The following TRRAP variants were observed in gnomAD, a reference collection of about 807,000 sequenced individuals.
TRRAP encodes transformation/transcription domain associated protein, also known as transformation/transcription domain-associated protein.
A neutral mutation model predicts 438.8 loss-of-function variants in TRRAP; 41 were observed. That is an observed-to-expected ratio of 0.09 (90% CI 0.07 to 0.12). The LOEUF (loss-of-function observed/expected upper bound fraction) is 0.12. Among genes scored for constraint, TRRAP ranks in the 10% least tolerant of loss-of-function variants. TRRAP has a pLI of 1.00. For missense variants in TRRAP, 3,122 were observed against 5,055.1 expected (o/e 0.62, Z 11.60); for synonymous variants, 1,994 against 1,962.9 (o/e 1.02, Z -0.42).
intron 1 of TRRAP, 93 bp from the exon 2 acceptor site, chr7:98,880,997 G>C (rs959253882): frequency 2.1e-6 from 1 of 471,844 alleles, no homozygotes; most frequent in Admixed American, 4.1e-5. Context: ...AGATGAAAGC[G>C]TATCGATTAT....
rs949951586 is a variant in TRRAP at position 98,930,548 on chromosome 7, G to A, written c.3394-85G>A. The A allele has an allele frequency of 1.9e-5, 30 of 1,547,928 alleles. No individual in the cohort carries two copies. In the Middle Eastern group the frequency reaches 9.4e-4, roughly 48 times the overall value. On this transcript the variant is annotated intron_variant, in intron 24 of 72. Transcript: ENST00000456197. ...AGCCGAGATCACACCATTGCACTCC[G>A]GCCTGGGCAATAAGAGCGAAACTCT...
At chr7:98,920,470 C>CA (rs782559840) in intron 20 of TRRAP, among the ~76,000 whole-genome samples, 215 of 93,502 alleles carry the variant, frequency 2.3e-3, no homozygotes, top group South Asian at 5.3e-3. Context: ...ACTCCGTCTC[C>CA]AAAAAAAAAA....
At chr7:98,979,488 G>A (rs1792816343) in intron 58 of TRRAP, among the ~76,000 whole-genome samples, 1 of 152,212 alleles carries the variant, frequency 6.6e-6, no homozygotes, top group South Asian at 2.1e-4. Flanking sequence ...TAGTACAGAT[G>A]CAGTTTTTTT....
chr7:98,985,479 T>G (rs1793109297), intron 62 of TRRAP, among the ~76,000 whole-genome samples: 1 of 152,258 alleles, frequency 6.6e-6, no homozygotes, highest in African/African-American at 2.4e-5. Flanking sequence ...ATGTTGCCTG[T>G]GACTGCTTTC....
chr7:98,901,123 A>C (rs944362087), intron 11 of TRRAP, among the ~76,000 whole-genome samples: 12 of 152,374 alleles, frequency 7.9e-5, no homozygotes, highest in African/African-American at 2.9e-4. Flanking sequence ...TTAACAAAAA[A>C]TCCCATAGGC....
chr7:98,992,586 T>TGC (rs1793478430), intron 65 of TRRAP, among the ~76,000 whole-genome samples: 1 of 151,404 alleles, frequency 6.6e-6, no homozygotes, highest in Non-Finnish European at 1.5e-5. Flanking sequence ...TGTGTGTGTG[T>TGC]GTTTAAGTTA....
chr7:98,942,534 G>GTT (rs1222861060), intron 30 of TRRAP, among the ~76,000 whole-genome samples: 1 of 152,184 alleles, frequency 6.6e-6, no homozygotes, highest in African/African-American at 2.4e-5. Context: ...GCACCTTTAT[G>GTT]TTTACCTTTT....
chr7:98,982,067 CCTT>C (rs1213358716), intron 59 of TRRAP, 107 bp downstream of exon 59: 12 of 1,152,034 alleles, frequency 1.0e-5, no homozygotes, highest in Middle Eastern at 3.0e-4. Context: ...AGATGAAACT[CCTT>C]CTGCTTGTCT....
intron 6 of TRRAP, among the ~76,000 whole-genome samples, chr7:98,895,441 A>G (rs1796154639): frequency 6.6e-6 from 1 of 152,254 alleles, no homozygotes; most frequent in East Asian, 1.9e-4. Flanking sequence ...ACGGCCCCAC[A>G]GTATATGAGA....
intron 27 of TRRAP, among the ~76,000 whole-genome samples, chr7:98,934,766 C>T (rs1048713470): frequency 2.0e-5 from 3 of 152,158 alleles, no homozygotes; most frequent in Non-Finnish European, 4.4e-5. Flanking sequence ...TCCATACCTG[C>T]ACGCATATAT....
chr7:99,005,028 A>G lies in TRRAP; in HGVS notation c.10536-103A>G, dbSNP rs1794097844. ...TTGATAAACGACCGCTGGCCTACAC[A>G]GTCCGTTTTCCCGTGACAGTTCGGA... On this transcript the variant is annotated intron_variant, in intron 68 of 72. Coordinates refer to ENST00000456197, the MANE Select transcript of TRRAP (RefSeq NM_001375524.1). The surrounding 1 kb of genome is among the most constrained non-coding windows in gnomAD (Gnocchi z 5.1). The G allele has an allele frequency of 1.7e-6, 2 of 1,159,468 alleles. No homozygotes were observed. Among genetic ancestry groups the G allele is most frequent in the Non-Finnish European group, 2.5e-6 (2 of 788,274 alleles). The allele number at this position is 1,159,468 out of a possible 1,614,324, so 71.8% of individuals were successfully genotyped here. A position where few individuals can be genotyped will look rare whatever the true frequency, so the allele number is the denominator to read the frequency against.
In TRRAP at chr7:98,908,822, A is replaced by G. The variant is rs1554407977; in HGVS notation, c.1210A>G (p.Lys404Glu). Residue 404 changes from lysine to glutamate, a missense_variant, in exon 14 of 73, where the codon AAG (lysine) becomes GAG (glutamate). Around this residue, in one of 24 missense-constraint regions of TRRAP, gnomAD observed 343 missense variants for 564.0 expected, o/e 0.61. Coordinates refer to ENST00000456197, the MANE Select transcript of TRRAP (RefSeq NM_001375524.1). This position sits in a 1 kb window ranked among gnomAD's most constrained non-coding sequence, Gnocchi z 4.1. ...CTCCCTCGCCGTCCAGCTCTTCGCC[A>G]AGAACATCGACGATGAGTCCCTGCC... ...DLSLAVQLFAKNIDDESLPSS... is the reference protein window; with the variant it reads ...DLSLAVQLFAENIDDESLPSS... The G allele has an allele frequency of 6.2e-7, 1 of 1,612,092 alleles. No homozygotes were observed. Among genetic ancestry groups the G allele is most frequent in the Admixed American group, 1.7e-5 (1 of 59,748 alleles).
chr7:98,943,129 T>A (rs1554416064), intron 31 of TRRAP, 112 bp downstream of exon 31: 30 of 1,037,120 alleles, frequency 2.9e-5, no homozygotes, highest in Non-Finnish European at 2.9e-6. Flanking sequence ...TTTGACGTGA[T>A]TGTAGTCCTT....
chr7:98,981,638 T>C (rs1792924583), intron 58 of TRRAP, 131 bp from the exon 59 acceptor site: 1 of 879,320 alleles, frequency 1.1e-6, no homozygotes, highest in Non-Finnish European at 1.7e-6. Flanking sequence ...AAAATACATT[T>C]CTATAGCCTA....
At chr7:98,962,835 G>T (rs1028109524) in intron 47 of TRRAP, among the ~76,000 whole-genome samples, 5 of 152,202 alleles carry the variant, frequency 3.3e-5, no homozygotes, top group Non-Finnish European at 7.3e-5. Flanking sequence ...GCTCTGGCTG[G>T]CCCAGGTGAG....
chr7:98,976,250 C>G lies in TRRAP; in HGVS notation c.7941C>G (p.Leu2647=). The change falls in exon 54 of 73, where the codon CTC becomes CTG. Residue 2647 remains leucine, a synonymous_variant. Coordinates refer to ENST00000456197, the MANE Select transcript of TRRAP (RefSeq NM_001375524.1). This position sits in a 1 kb window ranked among gnomAD's most constrained non-coding sequence, Gnocchi z 4.6. ...TTTTCCCCAGATTGTGGAAGATCCT[C>G]TCTGACAGACAGCAGCATGTGAGTG... The part of the protein sequence containing the change: ...VQLFPRLWKI[L]SDRQQHALAG... The G allele has an allele frequency of 6.2e-7, 1 of 1,614,220 alleles. No homozygotes were observed. Among genetic ancestry groups the G allele is most frequent in the Non-Finnish European group, 8.5e-7 (1 of 1,180,046 alleles).
Position 98,935,240 on chromosome 7 carries a change from C to T in TRRAP, c.4015-339C>T, listed in dbSNP as rs143716722. Among the ~76,000 whole-genome samples the T allele has an allele frequency of 1.6e-3, 236 of 152,086 alleles. 1 individual carries two copies. Among genetic ancestry groups the T allele is most frequent in the African/African-American group, 5.4e-3 (224 of 41,484 alleles). On this transcript the variant is annotated intron_variant, in intron 27 of 72. Transcript: ENST00000456197. The stretch of plus-strand genomic sequence containing the variant: ...GAGGCTGATCTGAACCAGGAAGACA[C>T]GGCCCTGCCATCATGGGATTTGCAG...
intron 23 of TRRAP, among the ~76,000 whole-genome samples, chr7:98,928,456 C>T (rs1554412043): frequency 6.6e-6 from 1 of 152,178 alleles, no homozygotes; most frequent in African/African-American, 2.4e-5. Context: ...TTTTCTTGGC[C>T]TGACGGGTCA....
intron 11 of TRRAP, among the ~76,000 whole-genome samples, 176 bp downstream of exon 11, chr7:98,900,896 A>G (rs1554406567): frequency 1.3e-5 from 2 of 152,190 alleles, no homozygotes; most frequent in Non-Finnish European, 2.9e-5. Context: ...ATTTGTTGTC[A>G]GTTTCTTCCC....
Sources: allele counts gnomAD v4.1 joint callset (sites outside exome capture counted in the v4.1 genomes callset), GRCh38; gene constraint gnomAD v4.1.1; regional missense constraint gnomAD v4.1.1; non-coding constraint Gnocchi (gnomAD v3.1); transcripts MANE v1.5; gene names NCBI Gene and HGNC (gene_info 2026-07-23, HGNC 2026-07-21).